The following MEP1A variants were observed in gnomAD, a reference collection of about 807,000 sequenced individuals.
The protein encoded by MEP1A is meprin A subunit alpha.
Under a neutral mutation model 84.5 loss-of-function variants are expected in MEP1A, and 68 were observed. The ratio of observed to expected loss-of-function variants is 0.80; its 90% CI spans 0.66 to 0.98. The LOEUF is 0.98. MEP1A is among the 50% of genes least tolerant of loss of function. MEP1A has a pLI of 0.00. For missense variants in MEP1A, 887 were observed against 919.9 expected (o/e 0.96, Z 0.46); for synonymous variants, 337 against 336.8 (o/e 1.00, Z -0.01).
chr6:46,801,422 T>A (rs1695885021), intron 5 of MEP1A, among the ~76,000 whole-genome samples: 1 of 152,182 alleles, frequency 6.6e-6, no homozygotes, highest in Admixed American at 6.6e-5. Context: ...TATCTTCTTT[T>A]ACGAGGGTCT....
At chr6:46,830,093 C>A (rs1423845141) in intron 10 of MEP1A, among the ~76,000 whole-genome samples, 1 of 151,548 alleles carries the variant, frequency 6.6e-6, no homozygotes, top group East Asian at 1.9e-4. Context: ...ACTAAAAATG[C>A]AAAAATTAGC....
At position 46,826,546 on chromosome 6, in the gene MEP1A, G is replaced by C. The variant is rs749733353; in HGVS notation, c.928+43G>C. 3.6e-6 allele frequency: 5 copies of C among 1,388,226 alleles called. No homozygotes were observed. The East Asian group carries it at 1.1e-4, about 29-fold the overall frequency. The allele number at this position is 1,388,226 out of a possible 1,614,324, so 86.0% of individuals were successfully genotyped here. ...GCAAACACATTGATGTGGTTCACCAGGTTCAATTAGGTTATGCCAGCCACC... is the reference window on the plus strand; with the variant it reads ...GCAAACACATTGATGTGGTTCACCACGTTCAATTAGGTTATGCCAGCCACC... On this transcript the variant is annotated intron_variant, in intron 9 of 13. Coordinates refer to ENST00000230588, the MANE Select transcript of MEP1A (RefSeq NM_005588.3).
intron 5 of MEP1A, among the ~76,000 whole-genome samples, chr6:46,805,288 G>A (rs1402713787): frequency 2.0e-5 from 3 of 151,740 alleles, no homozygotes; most frequent in Non-Finnish European, 2.9e-5. Flanking sequence ...CGTGAGTTTC[G>A]TTTACTCCAT....
At chr6:46,841,562 T>C (rs35299719), downstream of MEP1A, among the ~76,000 whole-genome samples, 43,123 of 151,894 alleles carry the variant, frequency 0.28, 6,989 homozygotes, top group Middle Eastern at 0.37. Flanking sequence ...ATGAGCAACA[T>C]GAAAAATGTG....
chr6:46,827,047 T>G (rs1052095631), intron 9 of MEP1A, among the ~76,000 whole-genome samples: 2 of 152,252 alleles, frequency 1.3e-5, no homozygotes, highest in African/African-American at 4.8e-5. Context: ...ACACATATTT[T>G]ACTCCTACAG....
intron 5 of MEP1A, among the ~76,000 whole-genome samples, chr6:46,801,425 G>A (rs553557839): frequency 2.1e-4 from 32 of 152,086 alleles, no homozygotes; most frequent in African/African-American, 7.0e-4. Context: ...CTTCTTTTAC[G>A]AGGGTCTGTC....
intron 7 of MEP1A, 110 bp from the exon 8 acceptor site, chr6:46,825,162 T>C: frequency 3.1e-6 from 1 of 326,884 alleles, no homozygotes; most frequent in Non-Finnish European, 5.5e-6. Flanking sequence ...AATATATATA[T>C]TTAAATAGAA....
intron 5 of MEP1A, among the ~76,000 whole-genome samples, chr6:46,807,508 G>GAAATAAAT (rs1238971243): frequency 1.1e-3 from 110 of 98,948 alleles, no homozygotes; most frequent in African/African-American, 4.3e-3. Flanking sequence ...ACCCCCATCT[G>GAAATAAAT]AAATAAAGAA....
rs1387376865 is a variant in MEP1A at position 46,812,131 on chromosome 6, T to C, written c.380+2594T>C. 2.0e-5 allele frequency among the ~76,000 whole-genome samples: 3 copies of C among 152,190 alleles called. No homozygotes were observed. In the East Asian group the frequency reaches 5.8e-4, roughly 29 times the overall value. On this transcript the variant is annotated intron_variant, in intron 6 of 13. Transcript: ENST00000230588. Reference sequence around the variant, plus strand: ...TTTTTTTTGTTGGCAATTTTTGAATTGCCATTTCAATCTCACTACTTGTTA... The same window carrying C: ...TTTTTTTTGTTGGCAATTTTTGAATCGCCATTTCAATCTCACTACTTGTTA...
At chr6:46,812,488 T>C (rs1004156773) in intron 6 of MEP1A, among the ~76,000 whole-genome samples, 9 of 152,078 alleles carry the variant, frequency 5.9e-5, no homozygotes, top group Admixed American at 4.6e-4. Context: ...CTGATATTTG[T>C]TGTTTCTTTT....
At chr6:46,845,834 C>G in the MEP1A span, among the ~76,000 whole-genome samples, 2 of 152,106 alleles carry the variant, frequency 1.3e-5, no homozygotes, top group Non-Finnish European at 2.9e-5. Flanking sequence ...TAAGTGCCCA[C>G]TTTTGCTTAA....
At chr6:46,819,131 A>G (rs1767707438) in intron 6 of MEP1A, among the ~76,000 whole-genome samples, 1 of 152,130 alleles carries the variant, frequency 6.6e-6, no homozygotes, top group Admixed American at 6.6e-5. Flanking sequence ...AAAAAATTAA[A>G]TCAACCACAG....
At chr6:46,831,950 G>T (rs930410509) in intron 10 of MEP1A, among the ~76,000 whole-genome samples, 2 of 152,142 alleles carry the variant, frequency 1.3e-5, no homozygotes, top group Admixed American at 1.3e-4. Flanking sequence ...GTGTTCCCAT[G>T]TAACCTAACC....
At chr6:46,837,425 C>A (rs1424424181) in intron 13 of MEP1A, among the ~76,000 whole-genome samples, 4 of 152,192 alleles carry the variant, frequency 2.6e-5, no homozygotes, top group African/African-American at 9.7e-5. Context: ...CCATAACATG[C>A]TCTAGGCTCA....
chr6:46,838,057 AT>A (rs570182939), intron 13 of MEP1A, among the ~76,000 whole-genome samples: 12,405 of 134,842 alleles, frequency 0.092, 1,515 homozygotes, highest in African/African-American at 0.29. Context: ...ATGTCTGGCT[AT>A]TTTTTTTTTT....
chr6:46,801,741 AT>A (rs1351700100), intron 5 of MEP1A, among the ~76,000 whole-genome samples: 2 of 152,032 alleles, frequency 1.3e-5, no homozygotes, highest in Non-Finnish European at 2.9e-5. Context: ...TATGGTTTCA[AT>A]TTTTGTCTAT....
chr6:46,815,035 G>A (rs1426639396), intron 6 of MEP1A, among the ~76,000 whole-genome samples: 2 of 152,224 alleles, frequency 1.3e-5, no homozygotes, highest in African/African-American at 4.8e-5. Flanking sequence ...CCAGCCAGGA[G>A]GTGGCACTTT....
At chr6:46,800,565 A>AT (rs1767178452) in intron 5 of MEP1A, among the ~76,000 whole-genome samples, 1 of 152,232 alleles carries the variant, frequency 6.6e-6, no homozygotes, top group African/African-American at 2.4e-5. Flanking sequence ...ATACAGCAGT[A>AT]TTTCTCAAGC....
intron 5 of MEP1A, among the ~76,000 whole-genome samples, chr6:46,805,810 A>G (rs558076094): frequency 2.0e-5 from 3 of 151,978 alleles, no homozygotes; most frequent in South Asian, 4.1e-4. Flanking sequence ...GTGATTTTTA[A>G]ATAACCAAAT....
Sources: gnomAD v4.1 joint callset for allele counts (sites outside exome capture counted in the v4.1 genomes callset) on GRCh38, gnomAD v4.1.1 for gene constraint, MANE v1.5 for transcripts, NCBI Gene and HGNC (gene_info 2026-07-23, HGNC 2026-07-21) for gene names.